SOX5: variants seen among roughly 807,000 people sequenced by gnomAD.
SOX5 encodes the protein transcription factor SOX-5.
A neutral mutation model predicts 92.0 loss-of-function variants in SOX5; 9 were observed. That is an observed-to-expected ratio of 0.10 (90% confidence interval 0.06 to 0.17). SOX5 has a LOEUF of 0.17. Ranked by LOEUF, SOX5 falls within the 10% of genes least tolerant of loss-of-function variation. The pLI, the probability that SOX5 is intolerant of heterozygous loss-of-function variation, is 1.00. For missense variants in SOX5, 642 were observed against 944.5 expected (o/e 0.68, Z 4.20); for synonymous variants, 344 against 336.3 (o/e 1.02, Z -0.25).
intron 2 of SOX5, among the ~76,000 whole-genome samples, chr12:24,329,207 T>C (rs1018440107): frequency 1.3e-5 from 2 of 152,294 alleles, no homozygotes; most frequent in African/African-American, 4.8e-5. Flanking sequence ...ATTAGTCTGT[T>C]CTCACACTGC....
intron 3 of SOX5, among the ~76,000 whole-genome samples, chr12:23,845,275 T>C (rs1028719395): frequency 6.6e-6 from 1 of 152,154 alleles, no homozygotes; most frequent in Non-Finnish European, 1.5e-5. Context: ...TGGACAGAGG[T>C]TTAAATAGGA....
intron 6 of SOX5, among the ~76,000 whole-genome samples, chr12:23,684,244 T>C (rs2139874204): frequency 6.6e-6 from 1 of 152,166 alleles, no homozygotes; most frequent in Admixed American, 6.6e-5. Context: ...CTAATGACGG[T>C]TCCTTTGGCC....
chr12:24,336,251 C>T (rs560188117), intron 2 of SOX5, among the ~76,000 whole-genome samples: 1 of 151,696 alleles, frequency 6.6e-6, no homozygotes, highest in Non-Finnish European at 1.5e-5. Flanking sequence ...CCCGCCACCA[C>T]GCCCAGTAAT....
intron 4 of SOX5, among the ~76,000 whole-genome samples, chr12:24,201,280 G>A (rs1424229341): frequency 6.6e-6 from 1 of 151,720 alleles, no homozygotes; most frequent in Non-Finnish European, 1.5e-5. Context: ...TTTATATTTT[G>A]TTATGTTTTA....
At chr12:24,280,314 T>C (rs1312952512) in intron 2 of SOX5, among the ~76,000 whole-genome samples, 3 of 152,120 alleles carry the variant, frequency 2.0e-5, no homozygotes, top group Non-Finnish European at 4.4e-5. Flanking sequence ...TGCCGTGAAA[T>C]TGCGTTAAGA....
chr12:24,083,417 G>A (rs1490422336), intron 4 of SOX5, among the ~76,000 whole-genome samples: 1 of 152,030 alleles, frequency 6.6e-6, no homozygotes, highest in Non-Finnish European at 1.5e-5. Context: ...TATCTGCCAG[G>A]CATTGTACCA....
At chr12:24,038,888 A>G (rs1239777751) in intron 4 of SOX5, among the ~76,000 whole-genome samples, 2 of 152,196 alleles carry the variant, frequency 1.3e-5, no homozygotes, top group African/African-American at 4.8e-5. Flanking sequence ...CAAGTTACAG[A>G]ATTCTCTGTG....
intron 3 of SOX5, among the ~76,000 whole-genome samples, chr12:24,272,244 TAGAA>T (rs1943855601): frequency 6.6e-6 from 1 of 152,186 alleles, no homozygotes; most frequent in African/African-American, 2.4e-5. Flanking sequence ...TGCTGATATA[TAGAA>T]AAACTGTACA....
intron 4 of SOX5, among the ~76,000 whole-genome samples, chr12:24,180,708 T>G (rs1416543447): frequency 6.6e-6 from 1 of 152,258 alleles, no homozygotes; most frequent in Admixed American, 6.5e-5. Flanking sequence ...AAAATACTGC[T>G]GTTATAAATC....
chr12:23,969,355 T>A (rs1186448736), intron 4 of SOX5, among the ~76,000 whole-genome samples: 5 of 151,992 alleles, frequency 3.3e-5, no homozygotes, highest in African/African-American at 9.7e-5. Context: ...CCGAGACCAA[T>A]GTTCGTCAGA....
At chr12:23,572,847 C>G (rs1046358521) in intron 10 of SOX5, among the ~76,000 whole-genome samples, 3 of 152,100 alleles carry the variant, frequency 2.0e-5, no homozygotes, top group African/African-American at 7.2e-5. Context: ...TGTCTGAAAC[C>G]TTTTTCAAAC....
intron 3 of SOX5, among the ~76,000 whole-genome samples, chr12:24,233,014 G>A (rs981303125): frequency 6.6e-6 from 1 of 152,162 alleles, no homozygotes; most frequent in African/African-American, 2.4e-5. Context: ...TATAAGTTGA[G>A]TTGTTGACAC....
chr12:23,667,635 T>C (rs1208349493), intron 6 of SOX5, among the ~76,000 whole-genome samples: 1 of 152,052 alleles, frequency 6.6e-6, no homozygotes, highest in Admixed American at 6.6e-5. Context: ...AAAACCAAAC[T>C]TACGCTGGAA....
At chr12:24,188,012 T>C (rs994421518) in intron 4 of SOX5, among the ~76,000 whole-genome samples, 2 of 152,208 alleles carry the variant, frequency 1.3e-5, no homozygotes, top group African/African-American at 4.8e-5. Flanking sequence ...GGATTTTTAA[T>C]CTACCAATAG....
intron 4 of SOX5, among the ~76,000 whole-genome samples, chr12:24,208,454 T>A (rs1439965855): frequency 2.6e-5 from 4 of 152,186 alleles, no homozygotes; most frequent in Non-Finnish European, 4.4e-5. Flanking sequence ...GCATCCAAAC[T>A]CAAGCCCAAG....
chr12:23,632,738 T>A (rs1017460899), intron 8 of SOX5, among the ~76,000 whole-genome samples: 7 of 152,134 alleles, frequency 4.6e-5, no homozygotes, highest in African/African-American at 1.7e-4. Context: ...CGTATACCTA[T>A]GATTGCTATG....
At chr12:23,687,934 T>C (rs1465333743) in intron 6 of SOX5, among the ~76,000 whole-genome samples, 2 of 151,840 alleles carry the variant, frequency 1.3e-5, no homozygotes, top group Admixed American at 1.3e-4. Flanking sequence ...AGCCTGCCAC[T>C]GATCACCTTT....
intron 3 of SOX5, among the ~76,000 whole-genome samples, chr12:24,251,761 A>G (rs1378879369): frequency 3.3e-5 from 5 of 151,648 alleles, no homozygotes; most frequent in Non-Finnish European, 7.4e-5. Flanking sequence ...TAGTAGAGAC[A>G]AGTTTTCACC....
At chr12:24,405,789 T>C (rs1962801393) in intron 1 of SOX5, among the ~76,000 whole-genome samples, 1 of 152,108 alleles carries the variant, frequency 6.6e-6, no homozygotes, top group African/African-American at 2.4e-5. Context: ...AAAATGCAGA[T>C]TTTAAAAGAA....
Sources: gnomAD v4.1 joint callset for allele counts (sites outside exome capture counted in the v4.1 genomes callset) on GRCh38, gnomAD v4.1.1 for gene constraint, MANE v1.5 for transcripts, NCBI Gene and HGNC (gene_info 2026-07-23, HGNC 2026-07-21) for gene names.